VWDE: variants seen among roughly 807,000 people sequenced by gnomAD.
VWDE encodes the protein von Willebrand factor D and EGF domains, also known as von Willebrand factor D and EGF domain-containing protein.
In VWDE, 207 loss-of-function variants were observed where a neutral mutation model predicts 178.4. That is an observed-to-expected ratio of 1.16 (90% CI 1.04 to 1.30). VWDE has a LOEUF of 1.30. Among genes scored for constraint, VWDE ranks in the 50% most tolerant of loss-of-function variants. The probability of loss-of-function intolerance (pLI) is 0.00; values close to 1 mark genes in which losing one functional copy is unlikely to be tolerated. For missense variants in VWDE, 2,287 were observed against 1,901.3 expected (o/e 1.20, Z -3.77); for synonymous variants, 738 against 651.4 (o/e 1.13, Z -2.02).
At chr7:12,336,377 C>T in intron 26 of VWDE, 141 bp from the exon 27 acceptor site, 1 of 686,624 alleles carries the variant, frequency 1.5e-6, no homozygotes. Context: ...AATATTTTAT[C>T]AAGAACATTT....
rs1426402028 is a variant in VWDE, at chr7:12,369,533, GTACT to G, written c.2761+8_2761+11del. 7 of 1,505,200 alleles carry G rather than the reference GTACT, an allele frequency of 4.7e-6. No homozygotes were observed. Among genetic ancestry groups the G allele is most frequent in the African/African-American group, 1.4e-5 (1 of 71,582 alleles). The allele number at this position is 1,505,200 out of a possible 1,614,324, so 93.2% of individuals were successfully genotyped here. ...TCACATGCAATATCAAACTTTGAGAGTACTTACTTACCATAGGAATCACTGCAGT... is the reference window on the plus strand; with the variant it reads ...TCACATGCAATATCAAACTTTGAGAGTACTTACCATAGGAATCACTGCAGT... On this transcript the variant is annotated splice_region_variant and intron_variant, in intron 12 of 28. Transcript: ENST00000275358.
chr7:12,374,984 C>A, intron 8 of VWDE, 26 bp downstream of exon 8: 1 of 1,525,002 alleles, frequency 6.6e-7, no homozygotes. Context: ...GCTTCACTTG[C>A]AGTATTAGTG....
chr7:12,348,854 A>T (rs1044934785), intron 19 of VWDE, among the ~76,000 whole-genome samples: 22 of 151,730 alleles, frequency 1.4e-4, no homozygotes, highest in African/African-American at 5.3e-4. Flanking sequence ...AGACTGGATT[A>T]AGAAAATGTG....
At chr7:12,383,668 A>T in intron 3 of VWDE, 67 bp from the exon 4 acceptor site, 2 of 1,282,672 alleles carry the variant, frequency 1.6e-6, no homozygotes, top group South Asian at 2.6e-5. Context: ...CATATATCCA[A>T]GATGACAATT....
intron 23 of VWDE, 131 bp from the exon 24 acceptor site, chr7:12,340,548 TTA>T: frequency 1.7e-6 from 1 of 602,118 alleles, no homozygotes; most frequent in Non-Finnish European, 2.9e-6. Context: ...TAATGTATAA[TTA>T]ATTAGACTTT....
chr7:12,377,636 T>C (rs900992599), intron 7 of VWDE, 140 bp downstream of exon 7: 14 of 453,414 alleles, frequency 3.1e-5, no homozygotes, highest in Non-Finnish European at 4.4e-5. Context: ...CGAGTATTAG[T>C]AATATGATTG....
At chr7:12,345,324 T>C (rs1781545035) in intron 19 of VWDE, among the ~76,000 whole-genome samples, 1 of 152,140 alleles carries the variant, frequency 6.6e-6, no homozygotes, top group South Asian at 2.1e-4. Flanking sequence ...TGGAAAAGCA[T>C]ATCTTTTTAA....
Position 12,370,372 on chromosome 7 carries a change from T to G in VWDE, c.1934A>C (p.Glu645Ala), listed in dbSNP as rs1783114971. Residue 645 changes from glutamate (E) to alanine (A), a missense_variant, in exon 12 of 29, where the codon GAA (glutamate) becomes GCA (alanine). Transcript: ENST00000275358. Reference protein sequence around the residue: ...SEDLDSVSRSEIALGCKDLNH... With the variant: ...SEDLDSVSRSAIALGCKDLNH... ...GAGGTCTTTGCAACCCAAGGCAATT[T>G]CTGATCGAGAAACACTGTCCAGATC... is the stretch of plus-strand genomic sequence containing the variant. The G allele has an allele frequency of 6.4e-7, 1 of 1,550,836 alleles. No individual in the cohort carries two copies. The highest frequency in any genetic ancestry group is 1.4e-5 in the African/African-American group (1 of 73,026).
chr7:12,399,660 C>T (rs183790101), intron 1 of VWDE, among the ~76,000 whole-genome samples: 22 of 151,990 alleles, frequency 1.4e-4, no homozygotes, highest in African/African-American at 2.9e-4. Context: ...ATAGACAATC[C>T]GCTAGACAAT....
At chr7:12,367,250 T>C (rs1782910752) in intron 13 of VWDE, 107 bp downstream of exon 13, 2 of 832,890 alleles carry the variant, frequency 2.4e-6, no homozygotes, top group Non-Finnish European at 3.4e-6. Flanking sequence ...CTAGATATAA[T>C]ATCGTTTGGA....
intron 10 of VWDE, 120 bp from the exon 11 acceptor site, chr7:12,370,984 A>C: frequency 1.2e-6 from 1 of 824,864 alleles, no homozygotes; most frequent in South Asian, 3.3e-5. Flanking sequence ...AAAAAAGAAT[A>C]AAATACTGAT....
rs1474787138 is a variant in VWDE, at chr7:12,357,430, G to A, written c.3360C>T (p.Phe1120=). The change falls in exon 17 of 29, where the codon TTC becomes TTT. Residue 1120 remains phenylalanine (F), a synonymous_variant. Coordinates refer to ENST00000275358, the MANE Select transcript of VWDE (RefSeq NM_001135924.3). ...GENFEYQFVA[F]DPEGSDIHFT... ...AATGGATGTCAGAACCTTCTGGATCGAAGGCCACGAACTGATACTCAAAGT... is the reference window on the plus strand; with the variant it reads ...AATGGATGTCAGAACCTTCTGGATCAAAGGCCACGAACTGATACTCAAAGT... The A allele has an allele frequency of 3.2e-5, 49 of 1,551,768 alleles. No homozygotes were observed. Among genetic ancestry groups the A allele is most frequent in the South Asian group, 9.5e-5 (8 of 84,046 alleles).
rs1259884435 is a variant in VWDE at position 12,361,520 on chromosome 7, T to A, written c.2900A>T (p.Tyr967Phe). 5 of 1,523,560 alleles carry A rather than the reference T, an allele frequency of 3.3e-6. No homozygotes were observed. The Admixed American group carries it at 1.1e-4, about 33-fold the overall frequency. 94.4% of individuals were successfully genotyped at this position (1,523,560 alleles called of 1,614,324 possible). A position where few individuals can be genotyped will look rare whatever the true frequency, so the allele number is the denominator to read the frequency against. The change falls in exon 14 of 29, where the codon TAT becomes TTT. Residue 967 changes from tyrosine (Y) to phenylalanine (F), a missense_variant and splice_region_variant. By Grantham distance (22) the Tyr-to-Phe change is conservative. Transcript: ENST00000275358. The stretch of plus-strand genomic sequence containing the variant: ...TCCAGGCATCCATTCACTGCTATTA[T>A]ACTGAAGACATAGTGAGAAAAAAAT... Reference protein sequence around the residue: ...SIKCEVTKLQYNSSEWMPGEP... With the variant: ...SIKCEVTKLQFNSSEWMPGEP...
At chr7:12,397,296 G>C (rs978612959) in intron 1 of VWDE, among the ~76,000 whole-genome samples, 1 of 152,034 alleles carries the variant, frequency 6.6e-6, no homozygotes, top group Non-Finnish European at 1.5e-5. Context: ...CTTTGTCAAA[G>C]TCAACAAAAA....
chr7:12,359,624 C>T lies in VWDE; in HGVS notation c.3228G>A (p.Leu1076=). Reference sequence around the variant, plus strand: ...ATCTTGAAATTTTGGGTCTACAAATCAAACAAGGGCTGGTTGGATTTTTGT... The same window carrying T: ...ATCTTGAAATTTTGGGTCTACAAATTAAACAAGGGCTGGTTGGATTTTTGT... ...EGDKNPTSPC[L]ICRPKISRFT... is the part of the protein sequence containing the mutation. Residue 1076 remains leucine (L), a synonymous_variant, in exon 16 of 29, where the codon TTG becomes TTA. Transcript: ENST00000275358. The T allele has an allele frequency of 1.9e-6, 3 of 1,550,140 alleles. No individual in the cohort carries two copies. Among genetic ancestry groups the T allele is most frequent in the Non-Finnish European group, 2.6e-6 (3 of 1,146,138 alleles).
At chr7:12,391,060 A>C (rs1198824588) in intron 2 of VWDE, among the ~76,000 whole-genome samples, 1 of 152,110 alleles carries the variant, frequency 6.6e-6, no homozygotes, top group Non-Finnish European at 1.5e-5. Context: ...AAATGAATTT[A>C]TAATAATAGG....
chr7:12,399,414 G>C (rs1245371237), intron 1 of VWDE, among the ~76,000 whole-genome samples: 2 of 152,024 alleles, frequency 1.3e-5, no homozygotes, highest in Non-Finnish European at 2.9e-5. Flanking sequence ...TAATAACAGA[G>C]CACTGAAATA....
chr7:12,348,464 T>A (rs1366434032), intron 19 of VWDE, among the ~76,000 whole-genome samples: 1 of 145,344 alleles, frequency 6.9e-6, no homozygotes, highest in Admixed American at 6.8e-5. Flanking sequence ...AGCCAAAAAA[T>A]ACATGAAAAA....
chr7:12,363,087 A>G lies in VWDE; in HGVS notation c.2899-1566T>C, dbSNP rs1000444128. Among the ~76,000 whole-genome samples, 4 of 152,146 alleles carry G rather than the reference A, an allele frequency of 2.6e-5. No individual in the cohort carries two copies. The East Asian group carries it at 7.7e-4, about 29-fold the overall frequency. ...AATATCTCAGTGAAAAAAGATCACA[A>G]AGAAAATGACAGACAATATATAATT... On this transcript the variant is annotated intron_variant, in intron 13 of 28. Coordinates refer to ENST00000275358, the MANE Select transcript of VWDE (RefSeq NM_001135924.3).
Sources: gnomAD v4.1 joint callset for allele counts (sites outside exome capture counted in the v4.1 genomes callset) on GRCh38, gnomAD v4.1.1 for gene constraint, MANE v1.5 for transcripts, NCBI Gene and HGNC (gene_info 2026-07-23, HGNC 2026-07-21) for gene names.